The following DUSP10 variants were observed in gnomAD, a reference collection of about 807,000 sequenced individuals.
The protein encoded by DUSP10 is dual specificity protein phosphatase 10.
DUSP10 carries 14 observed loss-of-function variants against 30.8 expected under a neutral mutation model. That is an observed-to-expected ratio of 0.46 (90% CI 0.30 to 0.71). The LOEUF is 0.71. Ranked by LOEUF, DUSP10 falls within the 30% of genes least tolerant of loss-of-function variation. DUSP10 has a pLI of 0.08. For missense variants in DUSP10, 550 were observed against 619.4 expected (o/e 0.89, Z 1.19); for synonymous variants, 254 against 250.4 (o/e 1.01, Z -0.14).
At chr1:221,727,149 C>A (rs1661446205) in intron 2 of DUSP10, among the ~76,000 whole-genome samples, 1 of 152,122 alleles carries the variant, frequency 6.6e-6, no homozygotes, top group Non-Finnish European at 1.5e-5. Context: ...AGAATCTGTG[C>A]CCTTAACCTC....
chr1:221,731,199 C>T (rs1381568894), intron 2 of DUSP10, among the ~76,000 whole-genome samples: 1 of 152,076 alleles, frequency 6.6e-6, no homozygotes. Context: ...ACGCAGGCTT[C>T]GTAATCTTAG....
chr1:221,726,078 T>C (rs1661415078), intron 2 of DUSP10, among the ~76,000 whole-genome samples: 1 of 152,212 alleles, frequency 6.6e-6, no homozygotes, highest in African/African-American at 2.4e-5. Context: ...TATCAAGACC[T>C]GTGGTCAAGG....
intron 2 of DUSP10, 63 bp downstream of exon 2, chr1:221,738,871 G>A (rs578123895): frequency 2.2e-5 from 33 of 1,528,450 alleles, no homozygotes; most frequent in Middle Eastern, 4.2e-4. Flanking sequence ...GTCACTCTAC[G>A]AGAAAACCCA....
intron 2 of DUSP10, among the ~76,000 whole-genome samples, chr1:221,714,140 T>C (rs1291317352): frequency 6.6e-6 from 1 of 152,232 alleles, no homozygotes; most frequent in Non-Finnish European, 1.5e-5. Flanking sequence ...TTGGATTGTC[T>C]GGACAAAACA....
At chr1:221,737,941 C>T (rs1661829479) in intron 2 of DUSP10, among the ~76,000 whole-genome samples, 1 of 152,184 alleles carries the variant, frequency 6.6e-6, no homozygotes, top group Admixed American at 6.5e-5. Flanking sequence ...AACTGCGTAC[C>T]TTGGCTCAGA....
At chr1:221,731,151 G>A (rs1249946938) in intron 2 of DUSP10, among the ~76,000 whole-genome samples, 2 of 152,198 alleles carry the variant, frequency 1.3e-5, no homozygotes, top group Non-Finnish European at 2.9e-5. Context: ...TGTTGATGAG[G>A]GATTCAAATC....
chr1:221,738,525 C>T (rs7515921), intron 2 of DUSP10, among the ~76,000 whole-genome samples: 2,212 of 152,284 alleles, frequency 0.015, 58 homozygotes, highest in African/African-American at 0.051. Flanking sequence ...CATAGTTGCT[C>T]CTTCCTCTGT....
intron 3 of DUSP10, 141 bp downstream of exon 3, chr1:221,705,954 G>T: frequency 8.8e-7 from 1 of 1,134,014 alleles, no homozygotes; most frequent in Non-Finnish European, 1.3e-6. Context: ...TGCTTAGGCT[G>T]TTTCAGGTGG....
At chr1:221,717,884 T>A (rs1661155710) in intron 2 of DUSP10, among the ~76,000 whole-genome samples, 1 of 152,140 alleles carries the variant, frequency 6.6e-6, no homozygotes, top group African/African-American at 2.4e-5. Context: ...AGCTATCCAG[T>A]CTACGGCATT....
chr1:221,734,421 G>A (rs188912285), intron 2 of DUSP10, among the ~76,000 whole-genome samples: 159 of 152,278 alleles, frequency 1.0e-3, no homozygotes, highest in Non-Finnish European at 1.8e-3. Context: ...TACCTAGCTT[G>A]TTATTTGTAC....
intron 2 of DUSP10, among the ~76,000 whole-genome samples, chr1:221,708,357 T>G (rs538629312): frequency 2.6e-5 from 4 of 152,336 alleles, no homozygotes; most frequent in Admixed American, 2.6e-4. Context: ...GACCATAACC[T>G]AGACCGAGTC....
At chr1:221,727,643 T>G (rs1303193155) in intron 2 of DUSP10, among the ~76,000 whole-genome samples, 1 of 152,228 alleles carries the variant, frequency 6.6e-6, no homozygotes, top group Admixed American at 6.5e-5. Flanking sequence ...ATCCTGGGGT[T>G]GTTGTGGTTC....
chr1:221,707,371 C>G (rs1660798800), intron 2 of DUSP10, among the ~76,000 whole-genome samples: 1 of 152,152 alleles, frequency 6.6e-6, no homozygotes, highest in African/African-American at 2.4e-5. Flanking sequence ...AATGTGAGAG[C>G]AGCGCGGTTG....
intron 2 of DUSP10, among the ~76,000 whole-genome samples, chr1:221,722,256 G>C (rs929883443): frequency 6.6e-6 from 1 of 152,234 alleles, no homozygotes; most frequent in Non-Finnish European, 1.5e-5. Flanking sequence ...GGTAGAAAAA[G>C]GGCCTTGAAG....
At chr1:221,735,598 G>T (rs952560183) in intron 2 of DUSP10, among the ~76,000 whole-genome samples, 3 of 152,112 alleles carry the variant, frequency 2.0e-5, no homozygotes, top group Non-Finnish European at 2.9e-5. Flanking sequence ...AAATATAATT[G>T]TTTAATCTGG....
chr1:221,735,318 G>GC (rs1270623933), intron 2 of DUSP10, among the ~76,000 whole-genome samples: 2 of 152,166 alleles, frequency 1.3e-5, no homozygotes, highest in African/African-American at 4.8e-5. Flanking sequence ...CCCCAAGGAG[G>GC]CACCTGGAGC....
intron 2 of DUSP10, among the ~76,000 whole-genome samples, chr1:221,725,327 G>A (rs1661394647): frequency 6.6e-6 from 1 of 152,188 alleles, no homozygotes; most frequent in African/African-American, 2.4e-5. Flanking sequence ...TTTAATAAAT[G>A]CATGTATTAA....
At chr1:221,737,970 G>A (rs971541852) in intron 2 of DUSP10, among the ~76,000 whole-genome samples, 2 of 152,188 alleles carry the variant, frequency 1.3e-5, no homozygotes, top group African/African-American at 4.8e-5. Flanking sequence ...GGAGAGAAGA[G>A]AGAAGACGAC....
intron 2 of DUSP10, among the ~76,000 whole-genome samples, chr1:221,715,234 G>A (rs1270090427): frequency 6.6e-6 from 1 of 152,170 alleles, no homozygotes; most frequent in African/African-American, 2.4e-5. Flanking sequence ...CAATGATTTA[G>A]GAATTGTGAT....
Sources: gnomAD v4.1 joint callset for allele counts (sites outside exome capture counted in the v4.1 genomes callset) on GRCh38, gnomAD v4.1.1 for gene constraint, MANE v1.5 for transcripts, NCBI Gene and HGNC (gene_info 2026-07-23, HGNC 2026-07-21) for gene names.